Variants in FOXP1 observed in about 807,000 individuals in gnomAD.
FOXP1 encodes the protein forkhead box protein P1.
In FOXP1, 15 loss-of-function variants were observed where a neutral mutation model predicts 98.2. The ratio of observed to expected loss-of-function variants is 0.15; its 90% CI spans 0.10 to 0.24. FOXP1 has a LOEUF of 0.24. Ranked by LOEUF, FOXP1 falls within the 10% of genes least tolerant of loss-of-function variation. The probability of loss-of-function intolerance (pLI) is 1.00; values close to 1 mark genes in which losing one functional copy is unlikely to be tolerated. For synonymous variants in FOXP1, 371 were observed against 314.5 expected (o/e 1.18, Z -1.90); for missense variants, 633 against 848.5 (o/e 0.75, Z 3.15).
intron 3 of FOXP1, among the ~76,000 whole-genome samples, chr3:71,392,989 T>G (rs35870054): frequency 0.031 from 4,708 of 152,286 alleles, 122 homozygotes; most frequent in Non-Finnish European, 0.043. Context: ...CTAATTTTTT[T>G]ATTGAGATAG....
chr3:71,121,619 G>GT (rs11374239), intron 6 of FOXP1, among the ~76,000 whole-genome samples: 2,416 of 152,230 alleles, frequency 0.016, 79 homozygotes, highest in African/African-American at 0.055. Flanking sequence ...CACCTGAGTT[G>GT]TCTTTGGAGG....
chr3:71,331,423 C>T (rs1455828645), intron 4 of FOXP1, among the ~76,000 whole-genome samples: 1 of 151,160 alleles, frequency 6.6e-6, no homozygotes, highest in African/African-American at 2.4e-5. Flanking sequence ...CCCCGACAAG[C>T]GCCGCTCCCT....
At chr3:71,220,983 T>C (rs1373924862) in intron 5 of FOXP1, among the ~76,000 whole-genome samples, 2 of 151,520 alleles carry the variant, frequency 1.3e-5, no homozygotes, top group Admixed American at 6.6e-5. Context: ...GACACACATA[T>C]ATAAAGCTAG....
Position 71,356,115 on chromosome 3 carries a change from C to T in FOXP1, c.-73+3035G>A, listed in dbSNP as rs551668618. Among the ~76,000 whole-genome samples the T allele has an allele frequency of 4.0e-5, 6 of 148,540 alleles. No individual in the cohort carries two copies. In the South Asian group the frequency reaches 1.1e-3, roughly 26 times the overall value. ...CGACATCATGTAACATCAGCCTGCA[C>T]GAGCGAAACCCTACAGTTTCAGATT... On this transcript the variant is annotated intron_variant, in intron 4 of 20. Coordinates refer to ENST00000649528, the MANE Select transcript of FOXP1 (RefSeq NM_001349338.3).
intron 11 of FOXP1, among the ~76,000 whole-genome samples, chr3:71,022,881 G>A (rs1175419662): frequency 6.6e-6 from 1 of 152,172 alleles, no homozygotes; most frequent in African/African-American, 2.4e-5. Flanking sequence ...TAAGGAGTAG[G>A]TGCTGAATGG....
intron 6 of FOXP1, among the ~76,000 whole-genome samples, chr3:71,127,493 G>T (rs368294042): frequency 6.6e-6 from 1 of 152,072 alleles, no homozygotes; most frequent in Non-Finnish European, 1.5e-5. Context: ...AATAAAGAAC[G>T]ATTAGTCTTC....
intron 3 of FOXP1, among the ~76,000 whole-genome samples, chr3:71,456,248 GAGAA>G (rs1383297377): frequency 1.3e-5 from 2 of 152,080 alleles, no homozygotes; most frequent in South Asian, 4.1e-4. Flanking sequence ...AGGCACAACA[GAGAA>G]AGAGAGAGAG....
At position 70,955,843 on chromosome 3, in the gene FOXP1, CA is replaced by C. The variant is rs886058829; in HGVS notation, c.*3403del. 6 of 233,166 alleles carry C rather than the reference CA, an allele frequency of 2.6e-5. No homozygotes were observed. The highest frequency in any genetic ancestry group is 4.2e-5 in the Non-Finnish European group (5 of 118,032). The allele number at this position is 233,166 out of a possible 1,614,324, so 14.4% of individuals were successfully genotyped here. Reference sequence around the variant, plus strand: ...ACACACGCACGCGCGCACACACACACACACACACACACAAAACCTGTACAAA... The same window carrying C: ...ACACACGCACGCGCGCACACACACACCACACACACACAAAACCTGTACAAA... On this transcript the variant is annotated 3_prime_UTR_variant, in exon 21 of 21. Transcript: ENST00000649528.
chr3:71,025,195 T>C (rs1280218384), intron 11 of FOXP1, among the ~76,000 whole-genome samples: 1 of 152,178 alleles, frequency 6.6e-6, no homozygotes, highest in South Asian at 2.1e-4. Context: ...TCAAAGAATG[T>C]TGACTGGGCC....
intron 3 of FOXP1, among the ~76,000 whole-genome samples, chr3:71,421,579 ATT>A (rs1295085132): frequency 1.3e-5 from 2 of 152,190 alleles, no homozygotes; most frequent in Non-Finnish European, 2.9e-5. Flanking sequence ...AGGGCATCCT[ATT>A]TTAGGATAAC....
intron 2 of FOXP1, among the ~76,000 whole-genome samples, chr3:71,514,144 TCC>T (rs923083886): frequency 2.0e-5 from 3 of 151,944 alleles, no homozygotes; most frequent in African/African-American, 7.3e-5. Context: ...CTCACCACAC[TCC>T]CCCAGTCCAC....
intron 7 of FOXP1, among the ~76,000 whole-genome samples, chr3:71,058,748 T>C (rs139381730): frequency 4.6e-5 from 7 of 152,144 alleles, no homozygotes; most frequent in East Asian, 1.9e-4. Flanking sequence ...AACAGATGTA[T>C]TGGCAAACAG....
chr3:71,583,353 C>G (rs1278253476), intron 1 of FOXP1, among the ~76,000 whole-genome samples: 3 of 151,784 alleles, frequency 2.0e-5, no homozygotes, highest in South Asian at 2.1e-4. Context: ...AGCTGGGCCT[C>G]GACCCGGGGG....
chr3:71,296,053 A>T (rs1331715406), intron 5 of FOXP1: 2 of 152,228 alleles, frequency 1.3e-5, no homozygotes, highest in Non-Finnish European at 2.9e-5. Context: ...ATCACTCCCG[A>T]GTATGATGAC....
In FOXP1 at chr3:70,955,353, A is replaced by C. The variant is rs2031515398; in HGVS notation, c.*3894T>G. On this transcript the variant is annotated 3_prime_UTR_variant, in exon 21 of 21. Transcript: ENST00000649528. ...TCCAAAGGTGGCAGGACTGGTGGTA[A>C]CTCTTCACGTATGTACATAAGCCTT... 4.3e-6 allele frequency: 1 copy of C among 232,620 alleles called. No homozygotes were observed. Among genetic ancestry groups the C allele is most frequent in the Non-Finnish European group, 8.5e-6 (1 of 117,786 alleles). The allele number at this position is 232,620 out of a possible 1,614,324, so 14.4% of individuals were successfully genotyped here.
At chr3:71,033,777 T>C (rs2047204384) in intron 11 of FOXP1, among the ~76,000 whole-genome samples, 1 of 151,854 alleles carries the variant, frequency 6.6e-6, no homozygotes. Flanking sequence ...GTCCCAAAAG[T>C]GATTGGTTTT....
intron 6 of FOXP1, among the ~76,000 whole-genome samples, chr3:71,185,710 T>C (rs1351465916): frequency 6.6e-6 from 1 of 152,194 alleles, no homozygotes; most frequent in African/African-American, 2.4e-5. Context: ...AACTTACTTG[T>C]CTCAAAATTT....
intron 13 of FOXP1, among the ~76,000 whole-genome samples, chr3:70,995,485 A>G (rs984369303): frequency 2.0e-5 from 3 of 152,212 alleles, no homozygotes; most frequent in African/African-American, 7.2e-5. Flanking sequence ...TCTGTCAAAA[A>G]AGAACAGATG....
intron 14 of FOXP1, among the ~76,000 whole-genome samples, chr3:70,978,568 G>C (rs958834209): frequency 1.3e-5 from 2 of 152,102 alleles, no homozygotes; most frequent in Non-Finnish European, 2.9e-5. Flanking sequence ...AATGGAAAGA[G>C]CCCCATGTGG....
Sources: allele counts gnomAD v4.1 joint callset (sites outside exome capture counted in the v4.1 genomes callset), GRCh38; gene constraint gnomAD v4.1.1; transcripts MANE v1.5; gene names NCBI Gene and HGNC (gene_info 2026-07-23, HGNC 2026-07-21).